Variants in CTNNA2 observed in about 807,000 individuals in gnomAD.
The protein encoded by CTNNA2 is catenin alpha-2.
Under a neutral mutation model 101.0 loss-of-function variants are expected in CTNNA2, and 42 were observed. The observed-to-expected ratio is 0.42, with a 90% CI of 0.32 to 0.54. The LOEUF (loss-of-function observed/expected upper bound fraction) is 0.54. Ranked by LOEUF, CTNNA2 falls within the 20% of genes least tolerant of loss-of-function variation. The probability of loss-of-function intolerance (pLI) is 0.14; values close to 1 mark genes in which losing one functional copy is unlikely to be tolerated. For synonymous variants in CTNNA2, 450 were observed against 456.4 expected (o/e 0.99, Z 0.18); for missense variants, 871 against 1,223.1 (o/e 0.71, Z 4.29).
intron 2 of CTNNA2, among the ~76,000 whole-genome samples, chr2:79,668,859 C>A (rs1682629625): frequency 6.6e-6 from 1 of 152,192 alleles, no homozygotes; most frequent in African/African-American, 2.4e-5. Context: ...ATTGTGTGAT[C>A]ATTTAAACCA....
At chr2:79,232,370 G>T (rs1450915949) in intron 2 of CTNNA2, among the ~76,000 whole-genome samples, 2 of 151,984 alleles carry the variant, frequency 1.3e-5, no homozygotes, top group African/African-American at 2.4e-5. Flanking sequence ...TTATTGATTT[G>T]CATGTGTTGA....
chr2:80,150,990 C>T (rs1433597617), intron 7 of CTNNA2, among the ~76,000 whole-genome samples: 2 of 152,130 alleles, frequency 1.3e-5, no homozygotes, highest in Admixed American at 6.5e-5. Flanking sequence ...CTGTTGCCCA[C>T]GAGGTTAGCT....
At chr2:80,197,645 C>T (rs1706921483) in intron 7 of CTNNA2, among the ~76,000 whole-genome samples, 1 of 152,190 alleles carries the variant, frequency 6.6e-6, no homozygotes, top group South Asian at 2.1e-4. Flanking sequence ...TCTCCATCCT[C>T]TCTACAGATA....
intron 4 of CTNNA2, among the ~76,000 whole-genome samples, chr2:79,463,314 A>C (rs1670899075): frequency 6.6e-6 from 1 of 151,350 alleles, no homozygotes; most frequent in South Asian, 2.1e-4. Context: ...AGGCTGAGGC[A>C]GGAGAATAGC....
In CTNNA2 at chr2:80,211,502, G is replaced by C. The variant is rs567226932; in HGVS notation, c.1057-181709G>C. ...CTTTCCCCATTTCTTGTTTTTGTCA[G>C]GTTTGTCAAAGATCAGATGGTTGTA... On this transcript the variant is annotated intron_variant, in intron 7 of 18. Transcript: ENST00000402739. Among the ~76,000 whole-genome samples, 5 of 152,202 alleles carry C rather than the reference G, an allele frequency of 3.3e-5. No individual in the cohort carries two copies. In the East Asian group the frequency reaches 9.7e-4, roughly 29 times the overall value.
intron 15 of CTNNA2, chr2:80,601,518 T>C (rs1284993971): frequency 2.0e-5 from 3 of 151,308 alleles, no homozygotes; most frequent in African/African-American, 7.3e-5. Flanking sequence ...CTGGTCTGTT[T>C]TGATAATTTA....
chr2:80,524,950 T>C (rs1201150791), intron 9 of CTNNA2, among the ~76,000 whole-genome samples: 2 of 152,202 alleles, frequency 1.3e-5, no homozygotes, highest in Non-Finnish European at 2.9e-5. Flanking sequence ...AGTTTTTATT[T>C]ACATAGGTTT....
At chr2:79,626,691 G>A (rs966153841) in intron 1 of CTNNA2, among the ~76,000 whole-genome samples, 1 of 150,864 alleles carries the variant, frequency 6.6e-6, no homozygotes, top group African/African-American at 2.4e-5. Flanking sequence ...TGTGGGAAAT[G>A]AATATGAATC....
chr2:79,298,962 T>G (rs1676043695), intron 2 of CTNNA2, among the ~76,000 whole-genome samples: 1 of 152,246 alleles, frequency 6.6e-6, no homozygotes, highest in Non-Finnish European at 1.5e-5. Flanking sequence ...AAACAGCTCC[T>G]AATTCCATTC....
intron 15 of CTNNA2, among the ~76,000 whole-genome samples, chr2:80,596,295 T>G (rs1696963064): frequency 8.5e-5 from 4 of 47,314 alleles, no homozygotes; most frequent in South Asian, 2.0e-3. Flanking sequence ...TTTTTTTTTT[T>G]TTTTTTTTTT....
At chr2:79,826,339 G>T (rs1196354825) in intron 3 of CTNNA2, among the ~76,000 whole-genome samples, 2 of 152,192 alleles carry the variant, frequency 1.3e-5, no homozygotes, top group South Asian at 4.1e-4. Context: ...AAATTATCAG[G>T]ATGCAAAAAG....
At chr2:79,919,499 A>T (rs1217784985) in intron 7 of CTNNA2, among the ~76,000 whole-genome samples, 1 of 152,190 alleles carries the variant, frequency 6.6e-6, no homozygotes, top group African/African-American at 2.4e-5. Flanking sequence ...GCTTTCTCTG[A>T]CTTAGTAGCT....
intron 7 of CTNNA2, among the ~76,000 whole-genome samples, chr2:80,004,234 A>G (rs984108589): frequency 2.6e-5 from 4 of 152,166 alleles, no homozygotes; most frequent in Admixed American, 6.5e-5. Context: ...GGAGCATTTC[A>G]TAGGAGTAAT....
chr2:79,646,524 C>CTTTTTTTTT (rs67454188), intron 1 of CTNNA2, among the ~76,000 whole-genome samples: 24 of 106,134 alleles, frequency 2.3e-4, no homozygotes, highest in South Asian at 3.5e-4. Flanking sequence ...TTCTTTCTGT[C>CTTTTTTTTT]TTTTTTTTTT....
intron 1 of CTNNA2, among the ~76,000 whole-genome samples, chr2:79,564,725 AT>A (rs1248310703): frequency 2.0e-5 from 3 of 152,146 alleles, no homozygotes; most frequent in Admixed American, 2.0e-4. Context: ...TTGGTTTATT[AT>A]GTGTGGCAAA....
intron 7 of CTNNA2, among the ~76,000 whole-genome samples, chr2:80,108,023 G>A (rs958041819): frequency 6.6e-6 from 1 of 152,150 alleles, no homozygotes; most frequent in Non-Finnish European, 1.5e-5. Flanking sequence ...GCCTTTCCTG[G>A]GCCCTGAGCC....
chr2:80,344,982 C>G (rs985920750), intron 7 of CTNNA2, among the ~76,000 whole-genome samples: 2 of 152,142 alleles, frequency 1.3e-5, no homozygotes, highest in Non-Finnish European at 2.9e-5. Context: ...TCACCACTTC[C>G]GATCACTACC....
intron 7 of CTNNA2, among the ~76,000 whole-genome samples, chr2:80,272,985 G>A (rs189402041): frequency 2.0e-3 from 299 of 152,242 alleles, no homozygotes; most frequent in African/African-American, 6.8e-3. Context: ...TTGGGCGTGC[G>A]TGAAAGGTGG....
At chr2:79,417,997 GT>G (rs1161364059) in intron 4 of CTNNA2, among the ~76,000 whole-genome samples, 1 of 152,030 alleles carries the variant, frequency 6.6e-6, no homozygotes. Flanking sequence ...GAGGTTAGGG[GT>G]TTTTCAAAGG....
Sources: gnomAD v4.1 joint callset for allele counts (sites outside exome capture counted in the v4.1 genomes callset) on GRCh38, gnomAD v4.1.1 for gene constraint, MANE v1.5 for transcripts, NCBI Gene and HGNC (gene_info 2026-07-23, HGNC 2026-07-21) for gene names.